Variants in ANKRD30B observed in about 807,000 individuals in gnomAD.
ANKRD30B encodes the protein ankyrin repeat domain 30B.
In ANKRD30B, 144 loss-of-function variants were observed where a neutral mutation model predicts 202.2. That is an observed-to-expected ratio of 0.71 (90% CI 0.62 to 0.82). ANKRD30B has a LOEUF of 0.82. Among genes scored for constraint, ANKRD30B ranks in the 40% least tolerant of loss-of-function variants. ANKRD30B has a pLI of 0.00. For missense variants in ANKRD30B, 1,487 were observed against 1,669.1 expected (o/e 0.89, Z 1.90); for synonymous variants, 508 against 561.3 (o/e 0.91, Z 1.34).
rs1598622499 is a variant in ANKRD30B at position 14,790,649 on chromosome 18, A to T, written c.1735-752A>T. On this transcript the variant is annotated intron_variant, in intron 15 of 43. Transcript: ENST00000690538. ...CTTTTCTGCAACTATTGAGATAATC[A>T]TGTGGTTTTTGTCTTTGGTTCTGTT... 2.6e-5 allele frequency among the ~76,000 whole-genome samples: 4 copies of T among 152,230 alleles called. 1 individual carries two copies. The highest frequency in any genetic ancestry group is 2.6e-4 in the Admixed American group (4 of 15,300).
chr18:14,855,876 T>TC (rs1273231505), downstream of ANKRD30B, among the ~76,000 whole-genome samples: 9 of 147,530 alleles, frequency 6.1e-5, no homozygotes, highest in Admixed American at 2.0e-4. Context: ...GCAGAGGTGC[T>TC]CCCCACTTCC....
In ANKRD30B at chr18:14,748,357, G is replaced by A; in HGVS notation, c.-63G>A. Reference sequence around the variant, plus strand: ...AAGGGTAAGCGGGAAGCGAGGGCGAGGGGTAGGGGCTGGGGAAGGGCGAGC... The same window carrying A: ...AAGGGTAAGCGGGAAGCGAGGGCGAAGGGTAGGGGCTGGGGAAGGGCGAGC... On this transcript the variant is annotated 5_prime_UTR_variant, in exon 1 of 44. Transcript: ENST00000690538. The A allele has an allele frequency of 7.5e-7, 1 of 1,334,710 alleles. No individual in the cohort carries two copies. Among genetic ancestry groups the A allele is most frequent in the Non-Finnish European group, 9.9e-7 (1 of 1,014,112 alleles). 82.7% of individuals were successfully genotyped at this position (1,334,710 alleles called of 1,614,324 possible).
At chr18:14,879,038 C>T in the ANKRD30B span, among the ~76,000 whole-genome samples, 1 of 152,138 alleles carries the variant, frequency 6.6e-6, no homozygotes, top group African/African-American at 2.4e-5. Flanking sequence ...GGGGGCACCG[C>T]GAGGGTGCAG....
chr18:14,869,815 T>A, the ANKRD30B span, among the ~76,000 whole-genome samples: 1 of 152,068 alleles, frequency 6.6e-6, no homozygotes, highest in African/African-American at 2.4e-5. Context: ...ATTTGAAAAA[T>A]GTTAGGAACA....
At chr18:14,789,138 T>C (rs1016295714) in intron 15 of ANKRD30B, among the ~76,000 whole-genome samples, 1 of 152,230 alleles carries the variant, frequency 6.6e-6, no homozygotes, top group Non-Finnish European at 1.5e-5. Flanking sequence ...ATTTCTCTGA[T>C]GGCCAATGAT....
intron 7 of ANKRD30B, among the ~76,000 whole-genome samples, chr18:14,766,848 A>G (rs1333197835): frequency 6.6e-6 from 1 of 152,206 alleles, no homozygotes; most frequent in Non-Finnish European, 1.5e-5. Context: ...TGGCTAATGA[A>G]AAGTAGGAGA....
chr18:14,888,231 G>A, the ANKRD30B span, among the ~76,000 whole-genome samples: 49 of 152,012 alleles, frequency 3.2e-4, no homozygotes, highest in Middle Eastern at 3.4e-3. Flanking sequence ...TTAAAATGCT[G>A]CTCATTTTCC....
At chr18:14,806,161 A>G (rs1246555265) in intron 24 of ANKRD30B, among the ~76,000 whole-genome samples, 2 of 149,576 alleles carry the variant, frequency 1.3e-5, no homozygotes, top group African/African-American at 5.0e-5. Context: ...TGGAGCTTAC[A>G]GTCAGCCCAG....
chr18:14,924,084 T>C, the ANKRD30B span, among the ~76,000 whole-genome samples: 1 of 152,248 alleles, frequency 6.6e-6, no homozygotes, highest in Non-Finnish European at 1.5e-5. Flanking sequence ...AAGTGTCCCA[T>C]ACACTGGTCA....
chr18:14,773,138 G>A (rs1031589879), intron 9 of ANKRD30B, among the ~76,000 whole-genome samples: 7 of 152,090 alleles, frequency 4.6e-5, no homozygotes, highest in African/African-American at 1.2e-4. Context: ...CTCTGAATAA[G>A]CATATAGTAA....
rs534118730 is a variant in ANKRD30B, at chr18:14,837,651, A to G, written c.2963A>G (p.Asp988Gly). 3 of 1,541,128 alleles carry G rather than the reference A, an allele frequency of 1.9e-6. No individual in the cohort carries two copies. The highest frequency in any genetic ancestry group is 2.5e-5 in the East Asian group (1 of 40,792). The part of the protein sequence containing the change: ...MPTSELGRKE[D>G]TKSTSDSEII... ...ACATCAGAATTAGGAAGAAAAGAAG[A>G]TACAAAATCAACTTCAGATTCTGAG... The change falls in exon 36 of 44, where the codon GAT (aspartate) becomes GGT (glycine). Residue 988 changes from aspartate (D) to glycine (G), a missense_variant. Physicochemically the swap from Asp to Gly is moderately conservative, Grantham distance 94. Around this residue, in one of 6 missense-constraint regions of ANKRD30B, gnomAD observed 218 missense variants for 320.1 expected, o/e 0.68. Coordinates refer to ENST00000690538, the MANE Select transcript of ANKRD30B (RefSeq NM_001367607.2).
intron 7 of ANKRD30B, among the ~76,000 whole-genome samples, chr18:14,768,255 G>A (rs376414178): frequency 1.8e-4 from 28 of 152,324 alleles, no homozygotes; most frequent in Admixed American, 1.3e-3. Context: ...GTGTTTGGAG[G>A]CTGATGTGCC....
intron 15 of ANKRD30B, among the ~76,000 whole-genome samples, chr18:14,789,739 C>A (rs1598620818): frequency 6.6e-6 from 1 of 152,106 alleles, no homozygotes; most frequent in African/African-American, 2.4e-5. Flanking sequence ...TGTTCTGTTC[C>A]ATTGATCTAT....
Position 14,763,838 on chromosome 18 carries a change from T to A in ANKRD30B, c.973T>A (p.Ser325Thr). ...AATTCAATGTCTGGGGAAAGCAACA[T>A]CTGGAAAGTTTGAACAGTCAACAGA... ...AKIQCLGKAT[S>T]GKFEQSTEET... Residue 325 changes from serine to threonine, a missense_variant, in exon 7 of 44, where the codon TCT becomes ACT. Ser to Thr is a moderately conservative substitution (Grantham distance 58). Coordinates refer to ENST00000690538, the MANE Select transcript of ANKRD30B (RefSeq NM_001367607.2). The A allele has an allele frequency of 1.2e-6, 2 of 1,613,388 alleles. No homozygotes were observed. The highest frequency in any genetic ancestry group is 1.7e-6 in the Non-Finnish European group (2 of 1,179,710).
chr18:14,847,827 C>T (rs1462222295), intron 39 of ANKRD30B, among the ~76,000 whole-genome samples: 2 of 151,896 alleles, frequency 1.3e-5, no homozygotes, highest in Non-Finnish European at 2.9e-5. Flanking sequence ...TATGTGAGCA[C>T]CAGGTGTGAT....
At chr18:14,920,881 G>A in the ANKRD30B span, among the ~76,000 whole-genome samples, 3 of 152,216 alleles carry the variant, frequency 2.0e-5, no homozygotes, top group Non-Finnish European at 2.9e-5. Flanking sequence ...TGTAAGATTG[G>A]CTGAGAGCAT....
At chr18:14,907,658 A>G in the ANKRD30B span, among the ~76,000 whole-genome samples, 1 of 152,194 alleles carries the variant, frequency 6.6e-6, no homozygotes, top group African/African-American at 2.4e-5. Flanking sequence ...AGGCTGTCTG[A>G]TTGATGGATC....
chr18:14,874,333 T>G, the ANKRD30B span, among the ~76,000 whole-genome samples: 1 of 152,176 alleles, frequency 6.6e-6, no homozygotes, highest in Non-Finnish European at 1.5e-5. Flanking sequence ...TGTAGTATGT[T>G]TAAAAGAGGT....
At chr18:14,836,478 A>G (rs1323603471) in intron 34 of ANKRD30B, among the ~76,000 whole-genome samples, 14 of 152,032 alleles carry the variant, frequency 9.2e-5, no homozygotes, top group African/African-American at 3.4e-4. Context: ...ATAATTTTCC[A>G]TATCTTATTA....
Sources: allele counts gnomAD v4.1 joint callset (sites outside exome capture counted in the v4.1 genomes callset), GRCh38; gene constraint gnomAD v4.1.1; regional missense constraint gnomAD v4.1.1; transcripts MANE v1.5; gene names NCBI Gene and HGNC (gene_info 2026-07-23, HGNC 2026-07-21).